Variants in MAEL observed in about 807,000 individuals in gnomAD.
MAEL encodes maelstrom spermatogenic transposon silencer.
A neutral mutation model predicts 62.0 loss-of-function variants in MAEL; 46 were observed. That is an observed-to-expected ratio of 0.74 (90% CI 0.59 to 0.95). MAEL has a LOEUF of 0.95. Among genes scored for constraint, MAEL ranks in the 40% least tolerant of loss-of-function variants. The pLI is 0.00. For synonymous variants in MAEL, 172 were observed against 175.5 expected, an observed-to-expected ratio of 0.98 and a Z score of 0.16; for missense variants, 497 against 526.8, an observed-to-expected ratio of 0.94 and a Z score of 0.55.
chr1:167,004,147 A>G (rs747892852), intron 5 of MAEL, 33 bp from the exon 6 acceptor site: 15 of 1,586,312 alleles, frequency 9.5e-6, no homozygotes, highest in Admixed American at 1.8e-5. Flanking sequence ...TATCTTGCTC[A>G]AAGTTTGAAC....
At chr1:167,018,465 A>G (rs1321301699) in intron 10 of MAEL, among the ~76,000 whole-genome samples, 1 of 152,144 alleles carries the variant, frequency 6.6e-6, no homozygotes, top group Non-Finnish European at 1.5e-5. Context: ...GTTCTGCTAC[A>G]TACAAGTTTT....
intron 5 of MAEL, among the ~76,000 whole-genome samples, chr1:166,995,709 A>G (rs1170867532): frequency 6.6e-6 from 1 of 151,936 alleles, no homozygotes; most frequent in East Asian, 1.9e-4. Flanking sequence ...ATGGAAACTT[A>G]GCCGGTGAAT....
chr1:167,017,026 A>G (rs1665424789), intron 9 of MAEL, among the ~76,000 whole-genome samples: 1 of 152,198 alleles, frequency 6.6e-6, no homozygotes, highest in Non-Finnish European at 1.5e-5. Flanking sequence ...AAGATTGTTA[A>G]TTAGTACAAA....
intron 1 of MAEL, among the ~76,000 whole-genome samples, chr1:166,975,931 C>T (rs903944429): frequency 4.6e-5 from 7 of 152,066 alleles, no homozygotes; most frequent in Non-Finnish European, 1.0e-4. Context: ...GGGGACTTGG[C>T]GTAACTTCTT....
At chr1:167,008,719 T>C (rs1665035880) in intron 8 of MAEL, among the ~76,000 whole-genome samples, 1 of 152,094 alleles carries the variant, frequency 6.6e-6, no homozygotes, top group Admixed American at 6.6e-5. Context: ...TTAATCATTG[T>C]TTTCAATGAA....
chr1:167,005,055 T>C, intron 6 of MAEL, 21 bp from the exon 7 acceptor site: 2 of 1,610,712 alleles, frequency 1.2e-6, no homozygotes, highest in Non-Finnish European at 1.7e-6. Flanking sequence ...TGTTTTGTTT[T>C]TTGTTTTTTG....
At chr1:167,008,646 G>T (rs1276395067) in intron 8 of MAEL, among the ~76,000 whole-genome samples, 1 of 151,686 alleles carries the variant, frequency 6.6e-6, no homozygotes, top group Non-Finnish European at 1.5e-5. Context: ...AGTTTTGGGG[G>T]CTGGAAATGT....
At chr1:167,007,304 G>T (rs1040971354) in intron 8 of MAEL, among the ~76,000 whole-genome samples, 3 of 150,772 alleles carry the variant, frequency 2.0e-5, no homozygotes, top group African/African-American at 5.0e-5. Flanking sequence ...GGGTTTGTGT[G>T]TCCTTTTGAC....
At chr1:167,014,602 CTGT>C (rs1296244729) in intron 8 of MAEL, among the ~76,000 whole-genome samples, 1 of 152,158 alleles carries the variant, frequency 6.6e-6, no homozygotes, top group Non-Finnish European at 1.5e-5. Context: ...GGTTTAAAAA[CTGT>C]TAACTAATAT....
At chr1:166,993,163 T>C (rs1343882965) in intron 4 of MAEL, among the ~76,000 whole-genome samples, 1 of 152,200 alleles carries the variant, frequency 6.6e-6, no homozygotes, top group Non-Finnish European at 1.5e-5. Context: ...TCTTTTCTTT[T>C]TCTACCTCAT....
At position 167,021,701 on chromosome 1, in the gene MAEL, A is replaced by G; in HGVS notation, c.1151A>G (p.Gln384Arg). 6.2e-7 allele frequency: 1 copy of G among 1,609,654 alleles called. No homozygotes were observed. Among genetic ancestry groups the G allele is most frequent in the Admixed American group, 1.7e-5 (1 of 58,724 alleles). ...CCATCTAGGGCAAAAATTTCTGGCC[A>G]AAACAGCAGCGTTCGGGGAAGAGGA... ...DYPSRAKISG[Q>R]NSSVRGRGIT... The change falls in exon 12 of 12, where the codon CAA becomes CGA. Residue 384 changes from glutamine (Q) to arginine (R), a missense_variant. Transcript: ENST00000367872.
intron 8 of MAEL, among the ~76,000 whole-genome samples, chr1:167,015,597 C>T (rs1459329554): frequency 3.3e-5 from 5 of 152,114 alleles, no homozygotes; most frequent in African/African-American, 1.2e-4. Context: ...TGTTTGTAAC[C>T]TTGTATTGAC....
intron 5 of MAEL, among the ~76,000 whole-genome samples, chr1:167,000,708 A>G (rs1034080695): frequency 1.3e-5 from 2 of 152,244 alleles, no homozygotes; most frequent in African/African-American, 4.8e-5. Flanking sequence ...TTTGATTTTA[A>G]GAAATTGCCA....
intron 3 of MAEL, 76 bp downstream of exon 3, chr1:166,991,553 T>C (rs1664175751): frequency 6.8e-6 from 6 of 883,270 alleles, no homozygotes; most frequent in Non-Finnish European, 1.1e-5. Context: ...AAAAATATTT[T>C]CTGTTCATTT....
chr1:167,021,910 C>T lies in MAEL; in HGVS notation c.*55C>T. ...AGTAACAGGCCCAACTTCCTTCTTA[C>T]TACAGTCATATTAAACAGATCACAT... is the stretch of plus-strand genomic sequence containing the variant. On this transcript the variant is annotated 3_prime_UTR_variant, in exon 12 of 12. Coordinates refer to ENST00000367872, the MANE Select transcript of MAEL (RefSeq NM_032858.3). 2.6e-6 allele frequency: 3 copies of T among 1,161,358 alleles called. No homozygotes were observed. Among genetic ancestry groups the T allele is most frequent in the South Asian group, 1.5e-5 (1 of 68,914 alleles). 71.9% of individuals were successfully genotyped at this position (1,161,358 alleles called of 1,614,324 possible). A position where few individuals can be genotyped will look rare whatever the true frequency, so the allele number is the denominator to read the frequency against.
intron 5 of MAEL, 75 bp from the exon 6 acceptor site, chr1:167,004,105 T>C: frequency 7.7e-7 from 1 of 1,305,366 alleles, no homozygotes; most frequent in Non-Finnish European, 1.1e-6. Flanking sequence ...TCTCTTCTTG[T>C]ACCCCCACTT....
intron 4 of MAEL, 118 bp from the exon 5 acceptor site, chr1:166,993,910 A>G (rs1242291060): frequency 1.5e-6 from 1 of 683,692 alleles, no homozygotes. Context: ...AATCTTTTGT[A>G]TTTTCATGTA....
upstream of MAEL, among the ~76,000 whole-genome samples, chr1:166,986,892 A>G (rs1663931217): frequency 6.6e-6 from 1 of 151,936 alleles, no homozygotes; most frequent in South Asian, 2.1e-4. Context: ...TTTGGCAAGT[A>G]TTAAGGAAAA....
chr1:166,997,602 G>A (rs1664484987), intron 5 of MAEL, among the ~76,000 whole-genome samples: 1 of 152,114 alleles, frequency 6.6e-6, no homozygotes, highest in African/African-American at 2.4e-5. Context: ...GTTCACAGAT[G>A]CAGTCGTAGC....
Sources: allele counts gnomAD v4.1 joint callset (sites outside exome capture counted in the v4.1 genomes callset), GRCh38; gene constraint gnomAD v4.1.1; transcripts MANE v1.5; gene names NCBI Gene and HGNC (gene_info 2026-07-23, HGNC 2026-07-21).